The following CAPZA2 variants were observed in gnomAD, a reference collection of about 807,000 sequenced individuals.
The protein encoded by CAPZA2 is capping actin protein of muscle Z-line subunit alpha 2, also known as F-actin-capping protein subunit alpha-2.
In CAPZA2, 13 loss-of-function variants were observed where a neutral mutation model predicts 44.0. The ratio of observed to expected loss-of-function variants is 0.30; its 90% CI spans 0.19 to 0.47. The LOEUF (loss-of-function observed/expected upper bound fraction) is 0.47. CAPZA2 is among the 20% of genes least tolerant of loss of function. CAPZA2 has a pLI of 1.00. For missense variants in CAPZA2, 244 were observed against 338.6 expected, an observed-to-expected ratio of 0.72 and a Z score of 2.19; for synonymous variants, 94 against 108.2, an observed-to-expected ratio of 0.87 and a Z score of 0.81.
rs140295725 is a variant in CAPZA2 at position 116,920,706 on chromosome 7, G to A, written c.*2839G>A. 1 of 152,386 alleles carries A rather than the reference G, an allele frequency of 6.6e-6. No homozygotes were observed. The highest frequency in any genetic ancestry group is 1.5e-5 in the Non-Finnish European group (1 of 68,086). 9.4% of individuals were successfully genotyped at this position (152,386 alleles called of 1,614,324 possible). On this transcript the variant is annotated 3_prime_UTR_variant, in exon 10 of 10. Transcript: ENST00000361183. ...AGTTAGATACAGGAGACAGGAACTAGAGGAAAGCTCTGGGCTAGAAGAATG... is the reference window on the plus strand; with the variant it reads ...AGTTAGATACAGGAGACAGGAACTAAAGGAAAGCTCTGGGCTAGAAGAATG...
chr7:116,894,101 C>T (rs1001239460), intron 3 of CAPZA2, among the ~76,000 whole-genome samples: 1 of 152,278 alleles, frequency 6.6e-6, no homozygotes, highest in African/African-American at 2.4e-5. Flanking sequence ...CGGTGGCTCA[C>T]GCCTGTAATC....
At chr7:116,877,055 T>C (rs1796631412) in intron 1 of CAPZA2, among the ~76,000 whole-genome samples, 1 of 152,170 alleles carries the variant, frequency 6.6e-6, no homozygotes, top group African/African-American at 2.4e-5. Context: ...TAAAAGATTG[T>C]TTGGCTAGGG....
intron 1 of CAPZA2, chr7:116,873,731 AG>A (rs1796581824): frequency 6.4e-6 from 1 of 155,834 alleles, no homozygotes; most frequent in African/African-American, 2.4e-5. Flanking sequence ...ATAAAACTGA[AG>A]TAGCACTACC....
At chr7:116,900,162 T>G (rs1796978236) in intron 4 of CAPZA2, among the ~76,000 whole-genome samples, 1 of 151,830 alleles carries the variant, frequency 6.6e-6, no homozygotes. Flanking sequence ...ACCTCTTAAA[T>G]ATGAAACACT....
rs1791603960 is a variant in CAPZA2, at chr7:116,912,031, T to C, written c.586-38T>C. ...TTGACGCAATAAGGTTCTTGATGAT[T>C]CCTGTAATGTGGTTTCTGTAATTTC... On this transcript the variant is annotated intron_variant, in intron 7 of 9. Transcript: ENST00000361183. The C allele has an allele frequency of 1.9e-6, 3 of 1,608,610 alleles. No individual in the cohort carries two copies. In the East Asian group the frequency reaches 6.7e-5, roughly 36 times the overall value.
At chr7:116,912,865 T>G (rs2115979539) in intron 8 of CAPZA2, among the ~76,000 whole-genome samples, 1 of 152,364 alleles carries the variant, frequency 6.6e-6, no homozygotes, top group Middle Eastern at 3.4e-3. Flanking sequence ...GTTTAACCTT[T>G]TGAAGAACTG....
chr7:116,894,673 T>G (rs2115937067), intron 3 of CAPZA2, among the ~76,000 whole-genome samples: 1 of 152,276 alleles, frequency 6.6e-6, no homozygotes, highest in African/African-American at 2.4e-5. Context: ...AGCTGATACT[T>G]GAAAGCCCCA....
At chr7:116,904,148 T>C (rs1797029937) in intron 4 of CAPZA2, 29 bp from the exon 5 acceptor site, 2 of 1,428,006 alleles carry the variant, frequency 1.4e-6, no homozygotes, top group Middle Eastern at 1.8e-4. Flanking sequence ...TTTTTTTATT[T>C]TTTTTCTAAA....
In CAPZA2 at chr7:116,873,178, A is replaced by G. The variant is rs571228095; in HGVS notation, c.39+10528A>G. ...GCCTCAGTAAATTTGAATTTAAGCT[A>G]AACGGTGAGTCATTTTTAGTATAGC... On this transcript the variant is annotated intron_variant, in intron 1 of 9. Transcript: ENST00000361183. Among the ~76,000 whole-genome samples, 8 of 152,296 alleles carry G rather than the reference A, an allele frequency of 5.3e-5. No homozygotes were observed. The South Asian group carries it at 1.7e-3, about 32-fold the overall frequency.
chr7:116,882,895 A>G (rs1796719397), intron 1 of CAPZA2, among the ~76,000 whole-genome samples: 1 of 152,208 alleles, frequency 6.6e-6, no homozygotes, highest in Non-Finnish European at 1.5e-5. Flanking sequence ...GTCAGCTGCC[A>G]GGGACTTTAT....
intron 9 of CAPZA2, among the ~76,000 whole-genome samples, chr7:116,917,168 A>G (rs1156642275): frequency 6.6e-6 from 1 of 152,176 alleles, no homozygotes; most frequent in Non-Finnish European, 1.5e-5. Context: ...TGACACACAA[A>G]TATTAAGTCT....
intron 4 of CAPZA2, among the ~76,000 whole-genome samples, chr7:116,903,733 A>G (rs1016508452): frequency 2.0e-5 from 3 of 152,230 alleles, no homozygotes; most frequent in African/African-American, 7.2e-5. Flanking sequence ...CTGTGGGCCC[A>G]GAGGCAAGGT....
In CAPZA2 at chr7:116,917,732, C is replaced by T; in HGVS notation, c.726C>T (p.Ala242=). 1.2e-6 allele frequency: 2 copies of T among 1,602,974 alleles called. No individual in the cohort carries two copies. The highest frequency in any genetic ancestry group is 1.3e-5 in the African/African-American group (1 of 74,808). The part of the protein sequence containing the change: ...VEAAENEYQT[A]ISENYQTMSD... ...CTAACTATTGTTTTTCATAGACTGC[C>T]ATCAGTGAGAATTATCAGACAATGT... The change falls in exon 10 of 10, where the codon GCC becomes GCT. Residue 242 remains alanine, a synonymous_variant. Transcript: ENST00000361183.
chr7:116,896,766 CAGTA>C (rs1339246154), intron 3 of CAPZA2, among the ~76,000 whole-genome samples: 4 of 151,976 alleles, frequency 2.6e-5, no homozygotes, highest in Non-Finnish European at 5.9e-5. Flanking sequence ...AATAAGAGCT[CAGTA>C]AGTATTTGCA....
At chr7:116,890,535 T>C (rs1562959916) in intron 2 of CAPZA2, among the ~76,000 whole-genome samples, 1 of 10,094 alleles carries the variant, frequency 9.9e-5, no homozygotes, top group African/African-American at 5.8e-4. Flanking sequence ...AATATATATA[T>C]ATATATATAT....
At chr7:116,912,316 G>A (rs1044331918) in intron 8 of CAPZA2, among the ~76,000 whole-genome samples, 176 bp downstream of exon 8, 3 of 151,774 alleles carry the variant, frequency 2.0e-5, no homozygotes, top group African/African-American at 7.3e-5. Flanking sequence ...GATATAATTT[G>A]TATACCATTC....
At chr7:116,888,851 C>A (rs1316943318) in intron 2 of CAPZA2, among the ~76,000 whole-genome samples, 1 of 150,888 alleles carries the variant, frequency 6.6e-6, no homozygotes, top group African/African-American at 2.4e-5. Flanking sequence ...AACAAACAAA[C>A]AAAAAAAAGT....
intron 1 of CAPZA2, among the ~76,000 whole-genome samples, chr7:116,886,686 A>T (rs1294665093): frequency 2.0e-5 from 3 of 152,224 alleles, no homozygotes; most frequent in Non-Finnish European, 4.4e-5. Context: ...GTTTCCCAGG[A>T]CCTGTCTCCA....
In CAPZA2 at chr7:116,906,236, C is replaced by G. The variant is rs761553142; in HGVS notation, c.427-27C>G. The G allele has an allele frequency of 3.7e-6, 6 of 1,602,864 alleles. No homozygotes were observed. In the South Asian group the frequency reaches 6.8e-5, roughly 18 times the overall value. ...GACATTCCATGGCCCTAAATTCATTCTTATGCTTATTTTCTTTGCCAATAA... is the reference window on the plus strand; with the variant it reads ...GACATTCCATGGCCCTAAATTCATTGTTATGCTTATTTTCTTTGCCAATAA... On this transcript the variant is annotated intron_variant, in intron 5 of 9. Coordinates refer to ENST00000361183, the MANE Select transcript of CAPZA2 (RefSeq NM_006136.3).
Sources: gnomAD v4.1 joint callset for allele counts (sites outside exome capture counted in the v4.1 genomes callset) on GRCh38, gnomAD v4.1.1 for gene constraint, MANE v1.5 for transcripts, NCBI Gene and HGNC (gene_info 2026-07-23, HGNC 2026-07-21) for gene names.